Variants in FMN2 observed in about 807,000 individuals in gnomAD.
FMN2 encodes formin 2.
FMN2 carries 51 observed loss-of-function variants against 142.3 expected under a neutral mutation model. The observed-to-expected ratio is 0.36, with a 90% CI of 0.29 to 0.45. The LOEUF (loss-of-function observed/expected upper bound fraction) is 0.45, where lower values mean the gene tolerates loss of function less well. Among genes scored for constraint, FMN2 ranks in the 20% least tolerant of loss-of-function variants. The pLI is 1.00. For synonymous variants in FMN2, 882 were observed against 869.8 expected (o/e 1.01, Z -0.25); for missense variants, 1,936 against 2,122.8 (o/e 0.91, Z 1.73).
At chr1:240,169,242 T>C (rs760683941) in intron 2 of FMN2, among the ~76,000 whole-genome samples, 1 of 152,124 alleles carries the variant, frequency 6.6e-6, no homozygotes, top group Non-Finnish European at 1.5e-5. Flanking sequence ...CAGGAATAAA[T>C]GTGTCTTCAG....
At chr1:240,335,051 A>G (rs1671513785) in intron 13 of FMN2, among the ~76,000 whole-genome samples, 2 of 152,248 alleles carry the variant, frequency 1.3e-5, no homozygotes, top group Admixed American at 1.3e-4. Flanking sequence ...TTATCCAAAG[A>G]TACTGATCTG....
chr1:240,197,613 G>T (rs1313147060), intron 4 of FMN2, among the ~76,000 whole-genome samples: 1 of 152,120 alleles, frequency 6.6e-6, no homozygotes, highest in African/African-American at 2.4e-5. Context: ...AGAATTGATT[G>T]CTTGCTGGAG....
chr1:240,425,282 G>A (rs1397651032), intron 15 of FMN2, among the ~76,000 whole-genome samples: 1 of 150,972 alleles, frequency 6.6e-6, no homozygotes, highest in African/African-American at 2.4e-5. Flanking sequence ...TGAAAAACAA[G>A]TATGGCATCA....
At chr1:240,421,380 A>G (rs747126433) in intron 15 of FMN2, among the ~76,000 whole-genome samples, 22 of 152,212 alleles carry the variant, frequency 1.4e-4, no homozygotes, top group Non-Finnish European at 5.9e-5. Context: ...TCCAGATAAT[A>G]TAACACGTTC....
intron 6 of FMN2, among the ~76,000 whole-genome samples, chr1:240,237,385 C>T (rs143505835): frequency 6.6e-6 from 1 of 152,296 alleles, no homozygotes; most frequent in African/African-American, 2.4e-5. Context: ...CAGCTTGCCC[C>T]TTTGCACAGA....
chr1:240,271,446 C>G (rs1454840759), intron 7 of FMN2, among the ~76,000 whole-genome samples: 1 of 147,776 alleles, frequency 6.8e-6, no homozygotes, highest in Non-Finnish European at 1.5e-5. Flanking sequence ...GAAACTCAAG[C>G]TTATAAGGCT....
At chr1:240,426,514 T>C (rs1161267137) in intron 15 of FMN2, among the ~76,000 whole-genome samples, 3 of 152,170 alleles carry the variant, frequency 2.0e-5, no homozygotes, top group African/African-American at 7.2e-5. Flanking sequence ...TATTACTCTA[T>C]TATGGAAAAG....
Position 240,168,345 on chromosome 1 carries a change from T to C in FMN2, c.1783-9576T>C, listed in dbSNP as rs1282721539. ...GCTCACGCCTGGAATACCAACATTT[T>C]GGGAGGCTGAGGTGGAGGATCACTT... On this transcript the variant is annotated intron_variant, in intron 2 of 17. Coordinates refer to ENST00000319653, the MANE Select transcript of FMN2 (RefSeq NM_020066.5). 2.0e-5 allele frequency among the ~76,000 whole-genome samples: 3 copies of C among 152,052 alleles called. 1 individual carries two copies. Among genetic ancestry groups the C allele is most frequent in the Admixed American group, 6.6e-5 (1 of 15,254 alleles).
chr1:240,392,114 G>GT (rs1673622957), intron 14 of FMN2, among the ~76,000 whole-genome samples: 3 of 142,990 alleles, frequency 2.1e-5, no homozygotes, highest in South Asian at 4.3e-4. Context: ...TTCTGTTTAG[G>GT]GTTTTTTTTT....
intron 2 of FMN2, chr1:240,143,088 G>A: frequency 3.9e-6 from 6 of 1,523,938 alleles, no homozygotes; most frequent in Non-Finnish European, 5.4e-6. Context: ...CCCTAAATGT[G>A]TCAGGCCCTG....
intron 4 of FMN2, among the ~76,000 whole-genome samples, chr1:240,196,541 T>TACA (rs1665917599): frequency 6.6e-6 from 1 of 152,106 alleles, no homozygotes; most frequent in African/African-American, 2.4e-5. Flanking sequence ...TACAGAGTTT[T>TACA]GCTCTTGTTG....
chr1:240,106,150 C>T (rs1661598426), intron 1 of FMN2, among the ~76,000 whole-genome samples: 1 of 152,108 alleles, frequency 6.6e-6, no homozygotes, highest in African/African-American at 2.4e-5. Flanking sequence ...ACCATTCATC[C>T]CCGAGTATCC....
intron 8 of FMN2, among the ~76,000 whole-genome samples, chr1:240,313,633 G>A (rs1260925222): frequency 6.6e-6 from 1 of 151,912 alleles, no homozygotes; most frequent in Non-Finnish European, 1.5e-5. Context: ...CTTAAAATAT[G>A]ATATAAGATA....
intron 7 of FMN2, among the ~76,000 whole-genome samples, chr1:240,262,487 C>T (rs1050475944): frequency 1.1e-4 from 16 of 152,118 alleles, no homozygotes; most frequent in African/African-American, 2.9e-4. Context: ...TATCCTACAG[C>T]TTCATAGTGG....
chr1:240,297,429 A>G (rs992437833), intron 8 of FMN2, among the ~76,000 whole-genome samples: 2 of 151,882 alleles, frequency 1.3e-5, no homozygotes, highest in Non-Finnish European at 2.9e-5. Context: ...CCCCGTCTCT[A>G]CTAAAAATAC....
intron 2 of FMN2, chr1:240,143,658 T>C: frequency 6.2e-7 from 1 of 1,610,112 alleles, no homozygotes; most frequent in Non-Finnish European, 8.5e-7. Context: ...CAGCCAGGAT[T>C]GCCTCGATGG....
chr1:240,161,970 T>C (rs1312024882), intron 2 of FMN2, among the ~76,000 whole-genome samples: 1 of 151,822 alleles, frequency 6.6e-6, no homozygotes, highest in Non-Finnish European at 1.5e-5. Context: ...ATTTGGAGTA[T>C]ATTGAAAGTA....
Position 240,225,578 on chromosome 1 carries a change from A to G in FMN2, c.4065+14343A>G, listed in dbSNP as rs147329624. Among the ~76,000 whole-genome samples the G allele has an allele frequency of 2.8e-3, 428 of 152,356 alleles. 2 individuals are homozygous for G. Among genetic ancestry groups the G allele is most frequent in the Non-Finnish European group, 4.6e-3 (312 of 68,030 alleles). On this transcript the variant is annotated intron_variant, in intron 6 of 17. Transcript: ENST00000319653. The stretch of plus-strand genomic sequence containing the variant: ...CCAGAAACACAAGAAGCTCTGGGGC[A>G]GGGAAGGGAAAAATCAATATCTGGA...
At chr1:240,361,150 T>A (rs1269064979) in intron 14 of FMN2, among the ~76,000 whole-genome samples, 553 of 20,554 alleles carry the variant, frequency 0.027, 9 homozygotes, top group African/African-American at 0.2. Flanking sequence ...TGTATATATA[T>A]ATATATATAT....
Sources: allele counts gnomAD v4.1 joint callset (sites outside exome capture counted in the v4.1 genomes callset), GRCh38; gene constraint gnomAD v4.1.1; transcripts MANE v1.5; gene names NCBI Gene and HGNC (gene_info 2026-07-23, HGNC 2026-07-21).